The following CCDC3 variants were observed in gnomAD, a reference collection of about 807,000 sequenced individuals.
The protein encoded by CCDC3 is coiled-coil domain containing 3.
A neutral mutation model predicts 21.4 loss-of-function variants in CCDC3; 24 were observed. The observed-to-expected ratio is 1.12, with a 90% CI of 0.81 to 1.58. The LOEUF is 1.58. Among genes scored for constraint, CCDC3 ranks in the 40% most tolerant of loss-of-function variants. The pLI, the probability that CCDC3 is intolerant of heterozygous loss-of-function variation, is 0.00. For synonymous variants in CCDC3, 186 were observed against 166.0 expected (o/e 1.12, Z -0.93); for missense variants, 425 against 360.9 (o/e 1.18, Z -1.44).
intron 2 of CCDC3, among the ~76,000 whole-genome samples, chr10:12,932,594 C>A (rs1834664559): frequency 6.6e-6 from 1 of 152,154 alleles, no homozygotes; most frequent in Admixed American, 6.5e-5. Flanking sequence ...TTCTACATAA[C>A]CAACCATGTT....
chr10:13,021,980 G>C (rs1429625307), intron 5 of CCDC3, among the ~76,000 whole-genome samples: 1 of 151,940 alleles, frequency 6.6e-6, no homozygotes, highest in African/African-American at 2.4e-5. Context: ...GGATGGTCTC[G>C]AACTCCTGAC....
chr10:13,042,393 G>A (rs896236081), intron 5 of CCDC3, among the ~76,000 whole-genome samples: 6 of 152,228 alleles, frequency 3.9e-5, no homozygotes, highest in Non-Finnish European at 5.9e-5. Flanking sequence ...AATGAGGGGC[G>A]GGAGACCGCC....
chr10:12,970,649 C>G (rs540539245), intron 2 of CCDC3, among the ~76,000 whole-genome samples: 1 of 152,124 alleles, frequency 6.6e-6, no homozygotes, highest in Non-Finnish European at 1.5e-5. Flanking sequence ...GAGGCCGAGG[C>G]AGGGCAACTG....
intron 2 of CCDC3, among the ~76,000 whole-genome samples, chr10:12,981,102 G>T (rs1226744419): frequency 6.6e-6 from 1 of 151,372 alleles, no homozygotes; most frequent in African/African-American, 2.4e-5. Context: ...TGAACTCCTG[G>T]CTTCAAGCCA....
At chr10:13,074,146 TA>T (rs1564340335) in intron 3 of CCDC3, 102 of 18,304 alleles carry the variant, frequency 5.6e-3, no homozygotes, top group East Asian at 0.032. Flanking sequence ...TATATATATA[TA>T]TATATATTTT....
intron 5 of CCDC3, among the ~76,000 whole-genome samples, chr10:13,047,462 G>A (rs1188502613): frequency 6.6e-6 from 1 of 152,076 alleles, no homozygotes; most frequent in African/African-American, 2.4e-5. Context: ...AAAAGTTTGG[G>A]GAAAGCTTTC....
chr10:13,006,398 G>A (rs940196363), upstream of CCDC3, among the ~76,000 whole-genome samples: 11 of 152,210 alleles, frequency 7.2e-5, no homozygotes, highest in African/African-American at 2.4e-5. Context: ...ACCTCATTAA[G>A]TTCATAGTAG....
chr10:12,991,252 T>G (rs1463213991), intron 2 of CCDC3, among the ~76,000 whole-genome samples: 1 of 152,198 alleles, frequency 6.6e-6, no homozygotes, highest in Non-Finnish European at 1.5e-5. Context: ...AAATAAACAC[T>G]GTTCATTTTT....
At chr10:12,943,669 GT>G (rs1312989702) in intron 2 of CCDC3, among the ~76,000 whole-genome samples, 1 of 152,148 alleles carries the variant, frequency 6.6e-6, no homozygotes, top group Admixed American at 6.5e-5. Context: ...GCCTCTTTGT[GT>G]ACTATGTAAA....
At chr10:12,903,576 C>G (rs1254497959) in intron 2 of CCDC3, among the ~76,000 whole-genome samples, 2 of 152,190 alleles carry the variant, frequency 1.3e-5, no homozygotes, top group South Asian at 2.1e-4. Flanking sequence ...CAGGGCAGCC[C>G]CAAAGCAACA....
rs1001573718 is a variant in CCDC3, at chr10:12,923,492, C to T, written c.550-24813G>A. Among the ~76,000 whole-genome samples, 46 of 152,104 alleles carry T rather than the reference C, an allele frequency of 3.0e-4. 1 individual carries two copies. The highest frequency in any genetic ancestry group is 3.9e-4 in the Admixed American group (6 of 15,280). On this transcript the variant is annotated intron_variant, in intron 2 of 2. Transcript: ENST00000378825. ...CCAATGTGATGCTACCTTCACAAAG[C>T]CAGTCCTGGGTCCCCTGACTGCCTG...
intron 2 of CCDC3, among the ~76,000 whole-genome samples, chr10:12,911,805 T>A (rs1255225740): frequency 6.6e-6 from 1 of 152,224 alleles, no homozygotes; most frequent in Non-Finnish European, 1.5e-5. Flanking sequence ...AACAGCATCT[T>A]CCAATACCCC....
chr10:12,905,196 A>T (rs1003565241), intron 2 of CCDC3, among the ~76,000 whole-genome samples: 6 of 152,346 alleles, frequency 3.9e-5, no homozygotes, highest in African/African-American at 1.4e-4. Flanking sequence ...AACCCAGAGC[A>T]GTGATCAGGA....
intron 4 of CCDC3, among the ~76,000 whole-genome samples, chr10:13,051,282 T>C: frequency 6.6e-6 from 1 of 152,188 alleles, no homozygotes; most frequent in Admixed American, 6.5e-5. Flanking sequence ...ACTCCAGCGC[T>C]GGTTCAGCAT....
chr10:13,016,334 G>GA (rs72075391), intron 5 of CCDC3, among the ~76,000 whole-genome samples: 8,808 of 78,270 alleles, frequency 0.11, 398 homozygotes, highest in East Asian at 0.31. Flanking sequence ...TTGGTAAAGC[G>GA]AAAAAAAAAA....
intron 2 of CCDC3, among the ~76,000 whole-genome samples, chr10:12,914,896 G>T (rs1834326859): frequency 6.6e-6 from 1 of 151,954 alleles, no homozygotes; most frequent in Non-Finnish European, 1.5e-5. Context: ...GGCTTAGTTT[G>T]TTCTTCTTTT....
chr10:13,072,342 T>G (rs1389176647), intron 4 of CCDC3, among the ~76,000 whole-genome samples: 1 of 151,626 alleles, frequency 6.6e-6, no homozygotes, highest in Non-Finnish European at 1.5e-5. Context: ...GCAGTTAATT[T>G]TGGTCATCAT....
chr10:13,049,902 G>T (rs1389173981), exon 5 of CCDC3: 2 of 152,194 alleles, frequency 1.3e-5, no homozygotes, highest in Non-Finnish European at 2.9e-5. Context: ...CCAAGAAAAA[G>T]AAACAATATT....
chr10:13,059,576 C>T lies in CCDC3; in HGVS notation c.-269-9635G>A, dbSNP rs558947260. On this transcript the variant is annotated intron_variant, in intron 4 of 6. Transcript: ENST00000378839. ...ATGGGGCGGAGATGAACAGAGTCATCGTTAACACCCAAATTCACAGTGTGG... is the reference window on the plus strand; with the variant it reads ...ATGGGGCGGAGATGAACAGAGTCATTGTTAACACCCAAATTCACAGTGTGG... 7.2e-5 allele frequency among the ~76,000 whole-genome samples: 11 copies of T among 152,244 alleles called. No homozygotes were observed. In the East Asian group the frequency reaches 1.7e-3, roughly 24 times the overall value.
Sources: allele counts gnomAD v4.1 joint callset (sites outside exome capture counted in the v4.1 genomes callset), GRCh38; gene constraint gnomAD v4.1.1; transcripts MANE v1.5; gene names NCBI Gene and HGNC (gene_info 2026-07-23, HGNC 2026-07-21).